Variants in MMP25 observed in about 807,000 individuals in gnomAD.
MMP25 encodes matrix metalloproteinase-25.
In MMP25, 68 loss-of-function variants were observed where a neutral mutation model predicts 62.1. That is an observed-to-expected ratio of 1.10 (90% CI 0.90 to 1.34). The LOEUF (loss-of-function observed/expected upper bound fraction) is 1.34. Among genes scored for constraint, MMP25 ranks in the 40% most tolerant of loss-of-function variants. The pLI is 0.00. For synonymous variants in MMP25, 407 were observed against 345.6 expected (o/e 1.18, Z -1.97); for missense variants, 942 against 792.5 (o/e 1.19, Z -2.26).
rs769053375 is a variant in MMP25 at position 3,058,836 on chromosome 16, ACTT to A, written c.1432_1434del (p.Phe478del). 2 of 1,520,084 alleles carry A rather than the reference ACTT, an allele frequency of 1.3e-6. No homozygotes were observed. The highest frequency in any genetic ancestry group is 8.8e-7 in the Non-Finnish European group (1 of 1,130,898). The allele number at this position is 1,520,084 out of a possible 1,614,324, so 94.2% of individuals were successfully genotyped here. A position where few individuals can be genotyped will look rare whatever the true frequency, so the allele number is the denominator to read the frequency against. ...AGCTCTGCTCCTCCAGGTGACACCT[ACTT>A]CTTCAAGGGCGCCCACTACTGGCGC... On this transcript the variant is annotated inframe_deletion, in exon 10 of 10. Coordinates refer to ENST00000336577, the MANE Select transcript of MMP25 (RefSeq NM_022468.5).
At chr16:3,048,962 T>C (rs1038760426) in intron 2 of MMP25, among the ~76,000 whole-genome samples, 5 of 151,950 alleles carry the variant, frequency 3.3e-5, no homozygotes, top group African/African-American at 1.2e-4. Flanking sequence ...TCCGCCACCA[T>C]GCCCAGCTAA....
chr16:3,058,292 C>T lies in MMP25; in HGVS notation c.1118C>T (p.Ala373Val). 1.2e-6 allele frequency: 2 copies of T among 1,607,518 alleles called. No individual in the cohort carries two copies. Among genetic ancestry groups the T allele is most frequent in the East Asian group, 2.2e-5 (1 of 44,592 alleles). The change falls in exon 8 of 10, where the codon GCC becomes GTC. Residue 373 changes from alanine to valine, a missense_variant. Coordinates refer to ENST00000336577, the MANE Select transcript of MMP25 (RefSeq NM_022468.5). ...LPAQVRVVQA[A>V]YARHRDGRIL... ...GCCCAGGTGAGGGTGGTGCAGGCCG[C>T]CTATGCTCGGCACCGAGACGGCCGA... is the stretch of plus-strand genomic sequence containing the variant.
At chr16:3,057,452 T>C in intron 6 of MMP25, 58 bp downstream of exon 6, 3 of 1,593,254 alleles carry the variant, frequency 1.9e-6, no homozygotes, top group Non-Finnish European at 2.6e-6. Flanking sequence ...CTCAGTGTCC[T>C]CTGAGATGGG....
chr16:3,053,977 G>C (rs1434754524), intron 4 of MMP25: 1 of 151,580 alleles, frequency 6.6e-6, no homozygotes. Context: ...GGAAGGGAGG[G>C]CAGAGAGCAG....
chr16:3,058,800 A>T, intron 9 of MMP25, 27 bp from the exon 10 acceptor site: 1 of 1,494,670 alleles, frequency 6.7e-7, no homozygotes, highest in Non-Finnish European at 8.9e-7. Context: ...GCGGGGAGGG[A>T]CCGGGACTCA....
At position 3,049,887 on chromosome 16, in the gene MMP25, G is replaced by A. The variant is rs376441656; in HGVS notation, c.233-122G>A. The A allele has an allele frequency of 4.6e-5, 67 of 1,453,998 alleles. No individual in the cohort carries two copies. In the Middle Eastern group the frequency reaches 9.6e-4, roughly 21 times the overall value. 90.1% of individuals were successfully genotyped at this position (1,453,998 alleles called of 1,614,324 possible). On this transcript the variant is annotated intron_variant, in intron 2 of 9. Transcript: ENST00000336577. ...TTCAAACCTGGGCTGTGGGGCCTTC[G>A]AGGGCACATTTCTTGAGCCCTCTGA...
In MMP25 at chr16:3,057,020, C is replaced by T; in HGVS notation, c.662-13C>T. The T allele has an allele frequency of 7.1e-6, 11 of 1,551,988 alleles. No homozygotes were observed. Among genetic ancestry groups the T allele is most frequent in the Non-Finnish European group, 8.7e-6 (10 of 1,148,504 alleles). On this transcript the variant is annotated splice_polypyrimidine_tract_variant and intron_variant, in intron 4 of 9. Coordinates refer to ENST00000336577, the MANE Select transcript of MMP25 (RefSeq NM_022468.5). ...CAGGGGCGGCCGCAGCTCTCACCCACTTTCTCCTGCAGACGGCGAGGGGAC... is the reference window on the plus strand; with the variant it reads ...CAGGGGCGGCCGCAGCTCTCACCCATTTTCTCCTGCAGACGGCGAGGGGAC...
chr16:3,059,787 C>CG lies in MMP25; in HGVS notation c.*690dup, dbSNP rs1333563684. On this transcript the variant is annotated 3_prime_UTR_variant, in exon 10 of 10. Coordinates refer to ENST00000336577, the MANE Select transcript of MMP25 (RefSeq NM_022468.5). ...CAGATATCACCCCTGAGGACCCATG[C>CG]GCCACGTCCTGGGTGGTGGAATCAG... is the stretch of plus-strand genomic sequence containing the variant. The CG allele has an allele frequency of 2.0e-5, 3 of 152,334 alleles. No homozygotes were observed. 9.4% of individuals were successfully genotyped at this position (152,334 alleles called of 1,614,324 possible). A position where few individuals can be genotyped will look rare whatever the true frequency, so the allele number is the denominator to read the frequency against.
Position 3,057,086 on chromosome 16 carries a change from C to G in MMP25, c.715C>G (p.Leu239Val), listed in dbSNP as rs777017049. Residue 239 changes from leucine to valine, a missense_variant, in exon 5 of 10, where the codon CTG (leucine) becomes GTG (valine). Coordinates refer to ENST00000336577, the MANE Select transcript of MMP25 (RefSeq NM_022468.5). Reference sequence around the variant, plus strand: ...GGCTGTCCATGAGTTTGGCCACGCCCTGGGCCTGGGCCACTCCTCAGCCCC... The same window carrying G: ...GGCTGTCCATGAGTTTGGCCACGCCGTGGGCCTGGGCCACTCCTCAGCCCC... ...AVAVHEFGHA[L>V]GLGHSSAPNS... 1.2e-6 allele frequency: 2 copies of G among 1,611,110 alleles called. No individual in the cohort carries two copies. The highest frequency in any genetic ancestry group is 2.2e-5 in the South Asian group (2 of 90,806).
At chr16:3,056,759 G>A in intron 4 of MMP25, 2 of 388,368 alleles carry the variant, frequency 5.1e-6, no homozygotes, top group Non-Finnish European at 9.3e-6. Context: ...CTTCCCAGAG[G>A]AGGGGCCCCA....
At position 3,058,922 on chromosome 16, in the gene MMP25, T is replaced by A. The variant is rs948740319; in HGVS notation, c.1513T>A (p.Trp505Arg). ...CGCCCCCCAGCCCATGGGGCCCAACTGGCTGGACTGCCCCGCCCCGAGCTC... is the reference window on the plus strand; with the variant it reads ...CGCCCCCCAGCCCATGGGGCCCAACAGGCTGGACTGCCCCGCCCCGAGCTC... ...PDAPQPMGPN[W>R]LDCPAPSSGP... Residue 505 changes from tryptophan to arginine, a missense_variant, in exon 10 of 10, where the codon TGG (tryptophan) becomes AGG (arginine). Trp to Arg is a moderately radical substitution (Grantham distance 101). Coordinates refer to ENST00000336577, the MANE Select transcript of MMP25 (RefSeq NM_022468.5). 4 of 1,551,168 alleles carry A rather than the reference T, an allele frequency of 2.6e-6. No homozygotes were observed. Among genetic ancestry groups the A allele is most frequent in the African/African-American group, 1.4e-5 (1 of 73,242 alleles).
chr16:3,057,590 G>C lies in MMP25; in HGVS notation c.983G>C (p.Arg328Pro). The C allele has an allele frequency of 6.2e-7, 1 of 1,614,130 alleles. No homozygotes were observed. The highest frequency in any genetic ancestry group is 8.5e-7 in the Non-Finnish European group (1 of 1,180,016). Residue 328 changes from arginine to proline, a missense_variant, in exon 7 of 10, where the codon CGA becomes CCA. Arg to Pro is a moderately radical substitution (Grantham distance 103). Transcript: ENST00000336577. ...AATTTTGACGCCATCGCCAACATCC[G>C]AGGGGAAACTTTCTTCTTCAAAGGT... is the stretch of plus-strand genomic sequence containing the variant. ...EGNFDAIANI[R>P]GETFFFKGPW...
At position 3,050,366 on chromosome 16, in the gene MMP25, G is replaced by T. The variant is rs767391650; in HGVS notation, c.481G>T (p.Asp161Tyr). Residue 161 changes from aspartate (D) to tyrosine (Y), a missense_variant, in exon 4 of 10, where the codon GAT becomes TAT. Coordinates refer to ENST00000336577, the MANE Select transcript of MMP25 (RefSeq NM_022468.5). ...MESGLTFHEV[D>Y]SPQGQEPDIL... ...GTCAGGCCTCACATTTCATGAGGTG[G>T]ATTCCCCCCAGGGCCAGGAGCCCGA... 1 of 1,614,012 alleles carries T rather than the reference G, an allele frequency of 6.2e-7. No homozygotes were observed. Among genetic ancestry groups the T allele is most frequent in the South Asian group, 1.1e-5 (1 of 91,072 alleles).
At chr16:3,054,103 C>T (rs554011004) in intron 4 of MMP25, 1 of 151,844 alleles carries the variant, frequency 6.6e-6, no homozygotes, top group East Asian at 1.9e-4. Context: ...GATGCATGCA[C>T]AGAGGCAGGT....
chr16:3,047,379 C>A, intron 1 of MMP25, 36 bp from the exon 2 acceptor site: 1 of 1,591,070 alleles, frequency 6.3e-7, no homozygotes, highest in South Asian at 1.1e-5. Flanking sequence ...ATACTTTTCA[C>A]CCAGCCCGCT....
intron 4 of MMP25, 186 bp from the exon 5 acceptor site, chr16:3,056,847 A>ATGCTGAC: frequency 1.7e-6 from 1 of 583,192 alleles, no homozygotes; most frequent in Non-Finnish European, 3.0e-6. Context: ...CATCACAGCC[A>ATGCTGAC]TGCTGACTGA....
chr16:3,046,904 G>A lies in MMP25; in HGVS notation c.-14G>A, dbSNP rs1955828108. The A allele has an allele frequency of 7.0e-7, 1 of 1,420,570 alleles. No individual in the cohort carries two copies. Among genetic ancestry groups the A allele is most frequent in the Non-Finnish European group, 9.2e-7 (1 of 1,091,126 alleles). The allele number at this position is 1,420,570 out of a possible 1,614,324, so 88.0% of individuals were successfully genotyped here. A position where few individuals can be genotyped will look rare whatever the true frequency, so the allele number is the denominator to read the frequency against. ...CCCTTCGAACCCCGCCGGCGGCCCG[G>A]GCTGGGGCGCACCATGCGGCTGCGG... On this transcript the variant is annotated 5_prime_UTR_variant, in exon 1 of 10. Coordinates refer to ENST00000336577, the MANE Select transcript of MMP25 (RefSeq NM_022468.5).
intron 4 of MMP25, among the ~76,000 whole-genome samples, chr16:3,055,424 T>C (rs1955989181): frequency 6.6e-6 from 1 of 152,164 alleles, no homozygotes; most frequent in African/African-American, 2.4e-5. Flanking sequence ...CAAGAGAACC[T>C]ACAGTCGACA....
At chr16:3,057,498 C>G (rs1319057093) in intron 6 of MMP25, 33 bp from the exon 7 acceptor site, 3 of 1,606,028 alleles carry the variant, frequency 1.9e-6, no homozygotes, top group Admixed American at 3.3e-5. Flanking sequence ...AAAACAAACC[C>G]CCCTCTCTAC....
Sources: allele counts gnomAD v4.1 joint callset (sites outside exome capture counted in the v4.1 genomes callset), GRCh38; gene constraint gnomAD v4.1.1; transcripts MANE v1.5; gene names NCBI Gene and HGNC (gene_info 2026-07-23, HGNC 2026-07-21).